Variants in MAGI2 observed in about 807,000 individuals in gnomAD.
MAGI2 encodes the protein membrane-associated guanylate kinase, WW and PDZ domain-containing protein 2.
In MAGI2, 35 loss-of-function variants were observed where a neutral mutation model predicts 133.3. That is an observed-to-expected ratio of 0.26 (90% confidence interval 0.20 to 0.35). The LOEUF (loss-of-function observed/expected upper bound fraction) is 0.35. Among genes scored for constraint, MAGI2 ranks in the 10% least tolerant of loss-of-function variants. The pLI, the probability that MAGI2 is intolerant of heterozygous loss-of-function variation, is 1.00. For missense variants in MAGI2, 1,636 were observed against 1,863.4 expected (o/e 0.88, Z 2.25); for synonymous variants, 729 against 710.6 (o/e 1.03, Z -0.41).
intron 2 of MAGI2, among the ~76,000 whole-genome samples, chr7:78,820,040 A>T (rs757119794): frequency 3.9e-5 from 6 of 152,142 alleles, no homozygotes; most frequent in Admixed American, 2.0e-4. Flanking sequence ...TCAGATAAAT[A>T]CAGAGGAGAA....
chr7:78,592,301 A>T (rs766621817), intron 3 of MAGI2, among the ~76,000 whole-genome samples: 10 of 150,884 alleles, frequency 6.6e-5, no homozygotes, highest in Non-Finnish European at 1.5e-4. Flanking sequence ...GTCAGCAAAC[A>T]TTTTTTTCTG....
chr7:78,499,546 C>T (rs920985486), intron 5 of MAGI2, among the ~76,000 whole-genome samples: 1 of 152,200 alleles, frequency 6.6e-6, no homozygotes, highest in Non-Finnish European at 1.5e-5. Flanking sequence ...TCACTACTTA[C>T]TATATACCTG....
rs190407299 is a variant in MAGI2 at position 78,042,219 on chromosome 7, G to T, written c.3707-22243C>A. On this transcript the variant is annotated intron_variant, in intron 21 of 21. Coordinates refer to ENST00000354212, the MANE Select transcript of MAGI2 (RefSeq NM_012301.4). ...AAAGAGTCAGGGTCATGGGGTCTTTGTTCAGGTGCCCAGTGGTTGAGGAAT... is the reference window on the plus strand; with the variant it reads ...AAAGAGTCAGGGTCATGGGGTCTTTTTTCAGGTGCCCAGTGGTTGAGGAAT... Among the ~76,000 whole-genome samples, 610 of 152,312 alleles carry T rather than the reference G, an allele frequency of 4.0e-3. 1 individual carries two copies. Among genetic ancestry groups the T allele is most frequent in the African/African-American group, 0.014 (584 of 41,558 alleles).
chr7:79,126,314 T>C (rs1269316367), intron 1 of MAGI2, among the ~76,000 whole-genome samples: 1 of 152,208 alleles, frequency 6.6e-6, no homozygotes, highest in Non-Finnish European at 1.5e-5. Context: ...CCCATTTATA[T>C]GGTTATGGTG....
intron 20 of MAGI2, among the ~76,000 whole-genome samples, chr7:78,084,212 C>T (rs1220352849): frequency 2.0e-5 from 3 of 152,200 alleles, no homozygotes; most frequent in African/African-American, 7.2e-5. Context: ...TGAATAATCT[C>T]TATTCCTTAT....
chr7:78,505,001 G>A (rs1450903302), intron 4 of MAGI2, among the ~76,000 whole-genome samples: 1 of 152,090 alleles, frequency 6.6e-6, no homozygotes, highest in Non-Finnish European at 1.5e-5. Flanking sequence ...ATATAAGCAT[G>A]AAAACAGACT....
chr7:78,978,752 G>C (rs539143726), intron 2 of MAGI2, among the ~76,000 whole-genome samples: 1 of 151,860 alleles, frequency 6.6e-6, no homozygotes, highest in Admixed American at 6.6e-5. Flanking sequence ...AAGAGATGGC[G>C]TGGGGTCGGG....
chr7:79,223,911 T>C (rs1040905177), intron 1 of MAGI2, among the ~76,000 whole-genome samples: 1 of 152,024 alleles, frequency 6.6e-6, no homozygotes. Context: ...TAAGAAGGCA[T>C]CAGCTTAGTT....
intron 2 of MAGI2, among the ~76,000 whole-genome samples, chr7:78,747,886 C>A (rs564609907): frequency 1.3e-5 from 2 of 152,078 alleles, no homozygotes; most frequent in Non-Finnish European, 2.9e-5. Context: ...TAAGTTTCTA[C>A]GTGAAGAGTT....
intron 3 of MAGI2, among the ~76,000 whole-genome samples, chr7:78,608,171 C>T (rs1485333758): frequency 6.6e-6 from 1 of 152,032 alleles, no homozygotes; most frequent in African/African-American, 2.4e-5. Flanking sequence ...ATATTAAGTC[C>T]CTCTCTTGAC....
At chr7:78,650,726 C>T (rs1227103008) in intron 2 of MAGI2, among the ~76,000 whole-genome samples, 5 of 152,128 alleles carry the variant, frequency 3.3e-5, no homozygotes, top group Admixed American at 3.3e-4. Context: ...CCTCCCTTCA[C>T]TAAGTATTTC....
chr7:79,339,445 T>C (rs960446449), intron 1 of MAGI2, among the ~76,000 whole-genome samples: 2 of 132,754 alleles, frequency 1.5e-5, no homozygotes, highest in African/African-American at 6.4e-5. Context: ...TAGTTACAGG[T>C]TTGTTTGTTT....
chr7:78,561,212 A>C (rs1178163620), intron 3 of MAGI2, among the ~76,000 whole-genome samples: 2 of 152,204 alleles, frequency 1.3e-5, no homozygotes. Context: ...GAAATGGGAA[A>C]GAAGGGATGG....
chr7:78,446,795 T>C (rs529248630), intron 6 of MAGI2, among the ~76,000 whole-genome samples: 8 of 152,252 alleles, frequency 5.3e-5, no homozygotes, highest in African/African-American at 1.9e-4. Context: ...CTTCAGCAAT[T>C]TCATCTTATT....
At chr7:78,611,124 G>A (rs1182732939) in intron 3 of MAGI2, among the ~76,000 whole-genome samples, 3 of 152,104 alleles carry the variant, frequency 2.0e-5, no homozygotes, top group Admixed American at 2.0e-4. Flanking sequence ...TGTTGTTTTG[G>A]GTGTTTTAGT....
At chr7:79,365,815 G>A (rs560727311) in intron 1 of MAGI2, among the ~76,000 whole-genome samples, 110 of 141,190 alleles carry the variant, frequency 7.8e-4, no homozygotes, top group Non-Finnish European at 1.2e-3. Context: ...AGCCAAGATC[G>A]GGCCGCTGCA....
intron 1 of MAGI2, among the ~76,000 whole-genome samples, chr7:79,252,940 G>A (rs1390121798): frequency 6.6e-6 from 1 of 152,150 alleles, no homozygotes; most frequent in African/African-American, 2.4e-5. Flanking sequence ...GAATAGCCCA[G>A]GGTTTGCATA....
intron 16 of MAGI2, among the ~76,000 whole-genome samples, chr7:78,156,159 A>T (rs1824366604): frequency 6.6e-6 from 1 of 152,266 alleles, no homozygotes; most frequent in South Asian, 2.1e-4. Context: ...GGAAAACTGC[A>T]ATTCTAGCCT....
At chr7:78,170,988 A>C (rs1219076943) in intron 14 of MAGI2, 3 of 152,324 alleles carry the variant, frequency 2.0e-5, no homozygotes, top group East Asian at 1.9e-4. Context: ...TGCTCCATCC[A>C]TCAGGAGCTG....
Sources: allele counts gnomAD v4.1 joint callset (sites outside exome capture counted in the v4.1 genomes callset), GRCh38; gene constraint gnomAD v4.1.1; transcripts MANE v1.5; gene names NCBI Gene and HGNC (gene_info 2026-07-23, HGNC 2026-07-21).